NPL: variants seen among roughly 807,000 people sequenced by gnomAD.
NPL encodes N-acetylneuraminate pyruvate lyase.
NPL carries 32 observed loss-of-function variants against 41.1 expected under a neutral mutation model. That is an observed-to-expected ratio of 0.78 (90% CI 0.59 to 1.05). NPL has a LOEUF of 1.05. Ranked by LOEUF, NPL falls within the 50% of genes least tolerant of loss-of-function variation. NPL has a pLI of 0.00. For synonymous variants in NPL, 128 were observed against 134.9 expected, an observed-to-expected ratio of 0.95 and a Z score of 0.35; for missense variants, 321 against 378.4, an observed-to-expected ratio of 0.85 and a Z score of 1.26.
chr1:182,824,205 A>AT (rs1466836419), intron 11 of NPL, among the ~76,000 whole-genome samples: 1 of 152,238 alleles, frequency 6.6e-6, no homozygotes, highest in Non-Finnish European at 1.5e-5. Context: ...GGTTAAATAC[A>AT]TTTTATTATG....
Position 182,823,733 on chromosome 1 carries a change from T to C in NPL, c.738+1534T>C, listed in dbSNP as rs570833091. Reference sequence around the variant, plus strand: ...GAGTAGACTGAAGCAGCTATAATGCTGACCCTTCCATTCAGTGACTTCTCT... The same window carrying C: ...GAGTAGACTGAAGCAGCTATAATGCCGACCCTTCCATTCAGTGACTTCTCT... On this transcript the variant is annotated intron_variant, in intron 11 of 12. Coordinates refer to ENST00000367553, the MANE Select transcript of NPL (RefSeq NM_030769.3). 2.5e-4 allele frequency among the ~76,000 whole-genome samples: 38 copies of C among 152,370 alleles called. 1 individual carries two copies. Among genetic ancestry groups the C allele is most frequent in the African/African-American group, 8.4e-4 (35 of 41,588 alleles).
chr1:182,825,839 C>A lies in NPL; in HGVS notation c.778+19C>A. ...AAACTAGGTAAGTGCCACCCATCTT[C>A]TGCTTTGTCTGCTGCTGGAGACTGT... On this transcript the variant is annotated intron_variant, in intron 12 of 12. Coordinates refer to ENST00000367553, the MANE Select transcript of NPL (RefSeq NM_030769.3). 6.3e-7 allele frequency: 1 copy of A among 1,578,192 alleles called. No homozygotes were observed. The highest frequency in any genetic ancestry group is 8.7e-7 in the Non-Finnish European group (1 of 1,150,636).
chr1:182,805,982 T>C (rs1666996036), intron 4 of NPL, among the ~76,000 whole-genome samples, 163 bp from the exon 5 acceptor site: 1 of 152,114 alleles, frequency 6.6e-6, no homozygotes, highest in South Asian at 2.1e-4. Context: ...TTTGACAAGG[T>C]GAAAGTGGAA....
intron 11 of NPL, among the ~76,000 whole-genome samples, chr1:182,824,067 T>C (rs12067014): frequency 2.0e-5 from 3 of 152,244 alleles, no homozygotes; most frequent in Non-Finnish European, 4.4e-5. Flanking sequence ...CTCATTCACT[T>C]TAATGTACTT....
chr1:182,814,667 T>C (rs1484424344), intron 6 of NPL, 116 bp from the exon 7 acceptor site: 6 of 870,906 alleles, frequency 6.9e-6, no homozygotes, highest in Non-Finnish European at 1.1e-5. Flanking sequence ...TTTCCCACTT[T>C]CCAGTGGTAC....
intron 3 of NPL, among the ~76,000 whole-genome samples, chr1:182,799,844 G>A (rs1446004435): frequency 6.6e-6 from 1 of 151,112 alleles, no homozygotes; most frequent in Non-Finnish European, 1.5e-5. Flanking sequence ...ATATAAAAAT[G>A]ACTACAGCAA....
At chr1:182,820,608 G>A (rs1383174147) in intron 10 of NPL, among the ~76,000 whole-genome samples, 4 of 152,202 alleles carry the variant, frequency 2.6e-5, no homozygotes, top group Admixed American at 2.6e-4. Context: ...GCGTGTGCTT[G>A]GCTTCTGAAG....
chr1:182,793,009 G>T (rs1013139997), intron 2 of NPL, among the ~76,000 whole-genome samples: 2 of 152,204 alleles, frequency 1.3e-5, no homozygotes, highest in Non-Finnish European at 2.9e-5. Context: ...TGCCAGTAAT[G>T]TCAGAACTAT....
intron 1 of NPL, among the ~76,000 whole-genome samples, chr1:182,790,493 T>A (rs1381964090): frequency 6.6e-6 from 1 of 152,212 alleles, no homozygotes; most frequent in African/African-American, 2.4e-5. Flanking sequence ...ATTCCCAAGT[T>A]TATCTAAAAC....
At chr1:182,812,116 C>T (rs1465841723) in intron 5 of NPL, 40 bp from the exon 6 acceptor site, 1 of 1,609,522 alleles carries the variant, frequency 6.2e-7, no homozygotes, top group African/African-American at 1.3e-5. Context: ...CTGCATGCCT[C>T]TAAACTCTAA....
intron 11 of NPL, among the ~76,000 whole-genome samples, chr1:182,823,718 A>G (rs531427464): frequency 2.0e-5 from 3 of 152,322 alleles, no homozygotes; most frequent in Middle Eastern, 6.8e-3. Flanking sequence ...GAGTAGACTG[A>G]AGCAGCTATA....
chr1:182,810,094 G>A (rs1186270250), intron 5 of NPL: 2 of 152,158 alleles, frequency 1.3e-5, no homozygotes, highest in African/African-American at 4.8e-5. Context: ...AGAACCCCTG[G>A]AGGACTCTGT....
At chr1:182,824,802 CATA>C (rs999453278) in intron 11 of NPL, among the ~76,000 whole-genome samples, 1 of 151,938 alleles carries the variant, frequency 6.6e-6, no homozygotes, top group African/African-American at 2.4e-5. Flanking sequence ...GTCTCAAAAA[CATA>C]ATAATAAAAT....
Position 182,821,842 on chromosome 1 carries a change from G to A in NPL, c.654-273G>A, listed in dbSNP as rs115213795. Among the ~76,000 whole-genome samples, 607 of 152,216 alleles carry A rather than the reference G, an allele frequency of 4.0e-3. 5 individuals carry two copies. Among genetic ancestry groups the A allele is most frequent in the African/African-American group, 0.012 (493 of 41,536 alleles). ...CCTAGGGCAAGAGCTGGCCTCAGTC[G>A]CTTCCTAACAAATACACCTCCATCT... On this transcript the variant is annotated intron_variant, in intron 10 of 12. Coordinates refer to ENST00000367553, the MANE Select transcript of NPL (RefSeq NM_030769.3).
intron 5 of NPL, chr1:182,806,475 C>G (rs2102543126): frequency 6.5e-7 from 1 of 1,536,284 alleles, no homozygotes; most frequent in Non-Finnish European, 8.7e-7. Context: ...TGGGAAACTG[C>G]TTCTTACCTG....
At chr1:182,804,525 C>T (rs537260726) in intron 4 of NPL, among the ~76,000 whole-genome samples, 6 of 152,318 alleles carry the variant, frequency 3.9e-5, no homozygotes, top group African/African-American at 1.4e-4. Flanking sequence ...AAAGAAATCA[C>T]AGGACTAGTA....
chr1:182,816,672 T>A, intron 7 of NPL, 42 bp from the exon 8 acceptor site: 1 of 1,402,174 alleles, frequency 7.1e-7, no homozygotes, highest in Non-Finnish European at 1.0e-6. Context: ...AGCCACTGTT[T>A]TACACCTGTT....
intron 5 of NPL, among the ~76,000 whole-genome samples, chr1:182,806,962 C>CCGAGTAGCTGG (rs1418447917): frequency 6.6e-6 from 1 of 152,114 alleles, no homozygotes; most frequent in African/African-American, 2.4e-5. Flanking sequence ...CCTCAGCCTC[C>CCGAGTAGCTGG]CGAGTAGCTG....
intron 6 of NPL, among the ~76,000 whole-genome samples, chr1:182,813,476 G>C (rs138517881): frequency 0.01 from 1,532 of 152,256 alleles, 23 homozygotes; most frequent in African/African-American, 0.032. Context: ...CATTTGATTT[G>C]CTTCTCTTAC....
Sources: gnomAD v4.1 joint callset for allele counts (sites outside exome capture counted in the v4.1 genomes callset) on GRCh38, gnomAD v4.1.1 for gene constraint, MANE v1.5 for transcripts, NCBI Gene and HGNC (gene_info 2026-07-23, HGNC 2026-07-21) for gene names.